Variants in PUDP observed in about 807,000 individuals in gnomAD.
The protein encoded by PUDP is pseudouridine 5'-phosphatase.
A neutral mutation model predicts 9.4 loss-of-function variants in PUDP; 8 were observed. That is an observed-to-expected ratio of 0.85 (90% confidence interval 0.50 to 1.53). The LOEUF (loss-of-function observed/expected upper bound fraction) is 1.53. PUDP is among the 40% of genes most tolerant of loss of function. The probability of loss-of-function intolerance (pLI) is 0.00; values close to 1 mark genes in which losing one functional copy is unlikely to be tolerated. For synonymous variants in PUDP, 99 were observed against 80.7 expected, an observed-to-expected ratio of 1.23 and a Z score of -1.22; for missense variants, 188 against 189.7, an observed-to-expected ratio of 0.99 and a Z score of 0.05.
At chrX:7,022,537 G>A (rs1929647761) in intron 1 of PUDP, among the ~76,000 whole-genome samples, 1 of 111,404 alleles carries the variant, frequency 9.0e-6, no homozygotes, top group Non-Finnish European at 1.9e-5. Context: ...GAGCAGTCAA[G>A]ACCAAAGCAT....
chrX:6,871,517 C>T (rs1192117960), intron 3 of PUDP, among the ~76,000 whole-genome samples: 2 of 111,998 alleles, frequency 1.8e-5, no homozygotes, highest in Non-Finnish European at 3.8e-5. Flanking sequence ...ATCCTAATCA[C>T]TTAACCATAT....
chrX:6,718,896 C>T lies in PUDP; in HGVS notation n.128+2521G>A, dbSNP rs746792192. On this transcript the variant is annotated intron_variant and non_coding_transcript_variant, in intron 1 of 2. Coordinates refer to the PUDP transcript ENST00000438499. The stretch of plus-strand genomic sequence containing the variant: ...GTAGGTGGTTTCTTGGAGCTGAGAG[C>T]AACCGCTAGCTGACAGCCAAAAGGG... Among the ~76,000 whole-genome samples the T allele has an allele frequency of 4.3e-4, 48 of 111,426 alleles. 1 individual carries two copies. The highest frequency in any genetic ancestry group is 1.5e-3 in the African/African-American group (47 of 30,705).
intron 3 of PUDP, among the ~76,000 whole-genome samples, chrX:6,776,054 T>C (rs1462900135): frequency 8.9e-6 from 1 of 112,136 alleles, no homozygotes; most frequent in Non-Finnish European, 1.9e-5. Context: ...ACATTCTCAC[T>C]GGAGAACGTC....
At chrX:6,744,694 C>T (rs1043806414) in intron 3 of PUDP, among the ~76,000 whole-genome samples, 6 of 111,021 alleles carry the variant, frequency 5.4e-5, no homozygotes, top group African/African-American at 1.3e-4. Context: ...CCCAGGGGGG[C>T]GAAAGACATC....
At chrX:6,768,579 C>A (rs981421391) in intron 3 of PUDP, among the ~76,000 whole-genome samples, 2 of 111,027 alleles carry the variant, frequency 1.8e-5, no homozygotes, top group Admixed American at 9.6e-5. Flanking sequence ...CTATAGAATT[C>A]TTTTAGATAT....
At chrX:6,831,654 A>G (rs1926505412) in intron 3 of PUDP, among the ~76,000 whole-genome samples, 1 of 112,535 alleles carries the variant, frequency 8.9e-6, no homozygotes, top group Admixed American at 9.4e-5. Flanking sequence ...CATGTCATTC[A>G]TCATATTGAA....
intron 1 of PUDP, among the ~76,000 whole-genome samples, chrX:6,719,247 G>A (rs913570072): frequency 9.0e-6 from 1 of 111,682 alleles, no homozygotes; most frequent in African/African-American, 3.3e-5. Flanking sequence ...TTCTCCCTGT[G>A]TCCTCACACA....
intron 2 of PUDP, 41 bp downstream of exon 2, chrX:7,105,579 T>C (rs769257449): frequency 8.1e-6 from 8 of 986,566 alleles, no homozygotes; most frequent in Non-Finnish European, 8.4e-6. Context: ...CCATTGCTAA[T>C]AGTCACAAAC....
intron 3 of PUDP, among the ~76,000 whole-genome samples, chrX:6,914,270 A>G (rs1281412517): frequency 1.2e-4 from 13 of 111,095 alleles, no homozygotes; most frequent in Non-Finnish European, 2.3e-4. Context: ...AGGGCCAACA[A>G]GCTAAAGTGA....
At chrX:7,083,023 G>C (rs1481978607) in intron 2 of PUDP, among the ~76,000 whole-genome samples, 9 of 112,535 alleles carry the variant, frequency 8.0e-5, no homozygotes, top group African/African-American at 2.9e-4. Flanking sequence ...AAGTGATGTG[G>C]CCACAAGCCC....
chrX:6,770,587 A>G (rs1337696098), intron 3 of PUDP, among the ~76,000 whole-genome samples: 1 of 111,060 alleles, frequency 9.0e-6, no homozygotes, highest in African/African-American at 3.3e-5. Context: ...ACAGCTGCAC[A>G]TTCTCTAATG....
intron 3 of PUDP, among the ~76,000 whole-genome samples, chrX:6,818,221 T>G (rs999936200): frequency 8.9e-6 from 1 of 112,133 alleles, no homozygotes; most frequent in Non-Finnish European, 1.9e-5. Flanking sequence ...CCCAGCAGTT[T>G]GAAGTGCACA....
rs760787954 is a variant in PUDP, at chrX:7,050,613, T to C, written c.511-141A>G. ...CAGTGGGGGCTCCCCAGAGTAGAGA[T>C]TGTGGTGAGGACAGCATGCTGTTTC... On this transcript the variant is annotated intron_variant, in intron 3 of 3. Transcript: ENST00000381077. 542 of 567,671 alleles carry C rather than the reference T, an allele frequency of 9.5e-4. 3 individuals are homozygous for C. Among genetic ancestry groups the C allele is most frequent in the South Asian group, 7.7e-3 (228 of 29,761 alleles). 46.8% of individuals were successfully genotyped at this position (567,671 alleles called of 1,213,427 possible). A position where few individuals can be genotyped will look rare whatever the true frequency, so the allele number is the denominator to read the frequency against.
intron 3 of PUDP, among the ~76,000 whole-genome samples, chrX:6,797,531 G>A (rs1297138308): frequency 1.8e-5 from 2 of 111,547 alleles, no homozygotes; most frequent in African/African-American, 6.5e-5. Context: ...CACTTAAGCA[G>A]CTCTATGGAG....
intron 1 of PUDP, among the ~76,000 whole-genome samples, chrX:7,136,939 T>C (rs943336220): frequency 2.7e-5 from 3 of 111,612 alleles, no homozygotes; most frequent in African/African-American, 9.8e-5. Flanking sequence ...CAATGACAAA[T>C]ACACCTCAGT....
intron 1 of PUDP, among the ~76,000 whole-genome samples, chrX:7,122,111 C>G (rs1399091072): frequency 9.0e-6 from 1 of 110,684 alleles, no homozygotes; most frequent in Non-Finnish European, 1.9e-5. Flanking sequence ...TCGGTTGAGC[C>G]CAGGAGTTCG....
chrX:7,041,062 C>T (rs965630192), intron 1 of PUDP, among the ~76,000 whole-genome samples: 2 of 111,898 alleles, frequency 1.8e-5, no homozygotes, highest in African/African-American at 3.3e-5. Flanking sequence ...GAGAAGGAAG[C>T]GATCTGATTA....
chrX:6,790,904 C>A (rs1024066281), intron 3 of PUDP, among the ~76,000 whole-genome samples: 1 of 111,615 alleles, frequency 9.0e-6, no homozygotes, highest in Non-Finnish European at 1.9e-5. Flanking sequence ...TTACATTGTA[C>A]GTAAATTTAC....
At chrX:6,897,866 C>A (rs1927615342) in intron 3 of PUDP, among the ~76,000 whole-genome samples, 1 of 111,408 alleles carries the variant, frequency 9.0e-6, no homozygotes, top group Non-Finnish European at 1.9e-5. Context: ...AGGATTTCAA[C>A]ATCAAAAACT....
Sources: gnomAD v4.1 joint callset for allele counts (sites outside exome capture counted in the v4.1 genomes callset) on GRCh38, gnomAD v4.1.1 for gene constraint, MANE v1.5 for transcripts, NCBI Gene and HGNC (gene_info 2026-07-23, HGNC 2026-07-21) for gene names.